The following RAD51AP2 variants were observed in gnomAD, a reference collection of about 807,000 sequenced individuals.
The protein encoded by RAD51AP2 is RAD51 associated protein 2, also known as RAD51-associated protein 2.
A neutral mutation model predicts 85.5 loss-of-function variants in RAD51AP2; 67 were observed. The observed-to-expected ratio is 0.78, with a 90% CI of 0.64 to 0.96. The LOEUF (loss-of-function observed/expected upper bound fraction) is 0.96. Ranked by LOEUF, RAD51AP2 falls within the 40% of genes least tolerant of loss-of-function variation. RAD51AP2 has a pLI of 0.00. For missense variants in RAD51AP2, 1,307 were observed against 1,332.4 expected (o/e 0.98, Z 0.30); for synonymous variants, 474 against 446.5 (o/e 1.06, Z -0.78).
chr2:17,530,969 A>G, the RAD51AP2 span, among the ~76,000 whole-genome samples: 39,129 of 152,126 alleles, frequency 0.26, 5,647 homozygotes, highest in Non-Finnish European at 0.33. Context: ...AAATTTTCAT[A>G]AAGTTTTCAG....
At chr2:17,522,442 CT>C (rs1037669061), upstream of RAD51AP2, among the ~76,000 whole-genome samples, 10 of 151,734 alleles carry the variant, frequency 6.6e-5, no homozygotes, top group Admixed American at 1.3e-4. Context: ...ATTTGCTAAC[CT>C]TTTTTTTAAC....
chr2:17,512,460 C>T (rs1279416646), intron 2 of RAD51AP2, among the ~76,000 whole-genome samples: 1 of 152,190 alleles, frequency 6.6e-6, no homozygotes, highest in Admixed American at 6.5e-5. Flanking sequence ...TGAATTCATA[C>T]ATTATTTTTG....
At chr2:17,534,336 C>T in the RAD51AP2 span, among the ~76,000 whole-genome samples, 2 of 152,140 alleles carry the variant, frequency 1.3e-5, no homozygotes, top group Non-Finnish European at 2.9e-5. Context: ...AATTCATCTT[C>T]TTCCTAAATT....
chr2:17,511,772 T>C (rs1662500421), intron 2 of RAD51AP2, among the ~76,000 whole-genome samples: 1 of 152,200 alleles, frequency 6.6e-6, no homozygotes. Flanking sequence ...AGAATCTGTA[T>C]GTATCTATGT....
At chr2:17,524,203 T>G in the RAD51AP2 span, among the ~76,000 whole-genome samples, 1 of 151,992 alleles carries the variant, frequency 6.6e-6, no homozygotes, top group Non-Finnish European at 1.5e-5. Flanking sequence ...ACAAAACTAC[T>G]TGCAATTTCC....
At chr2:17,518,508 C>T, upstream of RAD51AP2, 2 of 1,452,246 alleles carry the variant, frequency 1.4e-6, no homozygotes, top group Non-Finnish European at 1.9e-6. Context: ...CCCTGACCCG[C>T]CCCTCAAGAC....
rs187872570 is a variant in RAD51AP2 at position 17,513,889 on chromosome 2, A to G, written c.3328+123T>C. 3.6e-4 allele frequency: 222 copies of G among 623,584 alleles called. 1 individual carries two copies. Among genetic ancestry groups the G allele is most frequent in the African/African-American group, 2.3e-3 (123 of 53,440 alleles). The allele number at this position is 623,584 out of a possible 1,614,324, so 38.6% of individuals were successfully genotyped here. A position where few individuals can be genotyped will look rare whatever the true frequency, so the allele number is the denominator to read the frequency against. On this transcript the variant is annotated intron_variant, in intron 2 of 2. Coordinates refer to ENST00000399080, the MANE Select transcript of RAD51AP2 (RefSeq NM_001099218.3). Reference sequence around the variant, plus strand: ...TTATCAGTATAATATTAATGCTCTTAAAAGGTGCTAAAACTTTGTATTTAT... The same window carrying G: ...TTATCAGTATAATATTAATGCTCTTGAAAGGTGCTAAAACTTTGTATTTAT...
chr2:17,531,385 T>C, the RAD51AP2 span, among the ~76,000 whole-genome samples: 5 of 152,166 alleles, frequency 3.3e-5, no homozygotes, highest in African/African-American at 9.7e-5. Context: ...TTTCAACCAA[T>C]CCACAATCAA....
the RAD51AP2 span, among the ~76,000 whole-genome samples, chr2:17,525,491 C>A: frequency 6.6e-6 from 1 of 152,126 alleles, no homozygotes; most frequent in South Asian, 2.1e-4. Flanking sequence ...TAAAGGATAA[C>A]CTTTTCCCTA....
chr2:17,525,987 C>T, the RAD51AP2 span, among the ~76,000 whole-genome samples: 78 of 151,750 alleles, frequency 5.1e-4, no homozygotes, highest in Non-Finnish European at 4.4e-5. Context: ...CCCTTCTTCT[C>T]GTATGTGGAA....
chr2:17,529,139 C>G, the RAD51AP2 span, among the ~76,000 whole-genome samples: 4 of 151,756 alleles, frequency 2.6e-5, no homozygotes, highest in African/African-American at 9.7e-5. Flanking sequence ...ATAGTATATT[C>G]TAACATATTA....
the RAD51AP2 span, among the ~76,000 whole-genome samples, chr2:17,526,108 A>G: frequency 3.9e-5 from 6 of 152,022 alleles, no homozygotes; most frequent in Non-Finnish European, 7.4e-5. Context: ...ATAATGAATC[A>G]AGGGATTATA....
chr2:17,514,861 A>G (rs2103306942), intron 1 of RAD51AP2, among the ~76,000 whole-genome samples: 1 of 152,152 alleles, frequency 6.6e-6, no homozygotes, highest in Non-Finnish European at 1.5e-5. Flanking sequence ...ACAAGTAATG[A>G]TATGTGGTAA....
At chr2:17,531,693 C>T in the RAD51AP2 span, among the ~76,000 whole-genome samples, 3 of 152,200 alleles carry the variant, frequency 2.0e-5, no homozygotes, top group Admixed American at 1.3e-4. Flanking sequence ...ATACCTAATC[C>T]GATTTCCATG....
the RAD51AP2 span, among the ~76,000 whole-genome samples, chr2:17,528,794 T>C: frequency 8.5e-4 from 130 of 152,252 alleles, 2 homozygotes; most frequent in Non-Finnish European, 1.6e-3. Flanking sequence ...TAGTGAGCCG[T>C]GATTGTACCA....
At chr2:17,519,899 C>T (rs981418311), upstream of RAD51AP2, among the ~76,000 whole-genome samples, 6 of 152,098 alleles carry the variant, frequency 3.9e-5, no homozygotes, top group Non-Finnish European at 8.8e-5. Flanking sequence ...ATAATTGGTG[C>T]GCTAGTGTGA....
the RAD51AP2 span, among the ~76,000 whole-genome samples, chr2:17,536,225 C>T: frequency 6.6e-6 from 1 of 152,098 alleles, no homozygotes; most frequent in African/African-American, 2.4e-5. Flanking sequence ...TTTGAAGACC[C>T]TTCTGGACTC....
chr2:17,517,663 A>G lies in RAD51AP2; in HGVS notation c.753T>C (p.Phe251=), dbSNP rs776010867. Residue 251 remains phenylalanine (F), a synonymous_variant, in exon 1 of 3, where the codon TTT becomes TTC. Transcript: ENST00000399080. ...PSLEIAKPSY[F]RDSGTISVPQ... is the part of the protein sequence containing the mutation. Reference sequence around the variant, plus strand: ...GGACACTTATTGTGCCGCTATCTCTAAAATAGCTAGGTTTGGCAATTTCCA... The same window carrying G: ...GGACACTTATTGTGCCGCTATCTCTGAAATAGCTAGGTTTGGCAATTTCCA... 1 of 1,613,856 alleles carries G rather than the reference A, an allele frequency of 6.2e-7. No homozygotes were observed. Among genetic ancestry groups the G allele is most frequent in the African/African-American group, 1.3e-5 (1 of 75,036 alleles).
At chr2:17,527,118 C>T in the RAD51AP2 span, among the ~76,000 whole-genome samples, 1 of 152,032 alleles carries the variant, frequency 6.6e-6, no homozygotes, top group Non-Finnish European at 1.5e-5. Context: ...CTCCGCACCC[C>T]GAAAATTATC....
Sources: gnomAD v4.1 joint callset for allele counts (sites outside exome capture counted in the v4.1 genomes callset) on GRCh38, gnomAD v4.1.1 for gene constraint, MANE v1.5 for transcripts, NCBI Gene and HGNC (gene_info 2026-07-23, HGNC 2026-07-21) for gene names.